The following MCTP1 variants were observed in gnomAD, a reference collection of about 807,000 sequenced individuals.
MCTP1 encodes the protein multiple C2 and transmembrane domain containing 1, also known as multiple C2 and transmembrane domain-containing protein 1.
In MCTP1, 69 loss-of-function variants were observed where a neutral mutation model predicts 120.6. That is an observed-to-expected ratio of 0.57 (90% confidence interval 0.47 to 0.70). The LOEUF is 0.70. Among genes scored for constraint, MCTP1 ranks in the 30% least tolerant of loss-of-function variants. MCTP1 has a pLI of 0.00. For missense variants in MCTP1, 1,203 were observed against 1,248.8 expected (o/e 0.96, Z 0.55); for synonymous variants, 529 against 493.1 (o/e 1.07, Z -0.96).
At chr5:94,762,258 TC>T (rs1470501533) in intron 19 of MCTP1, among the ~76,000 whole-genome samples, 1 of 152,242 alleles carries the variant, frequency 6.6e-6, no homozygotes, top group African/African-American at 2.4e-5. Flanking sequence ...AGGTTTCTAG[TC>T]TTTCCATCTA....
chr5:94,822,307 G>T (rs1223267573), intron 17 of MCTP1, among the ~76,000 whole-genome samples: 1 of 152,120 alleles, frequency 6.6e-6, no homozygotes, highest in Non-Finnish European at 1.5e-5. Flanking sequence ...AGAACATGCG[G>T]TGTTTGGTTT....
At chr5:94,867,381 G>A in intron 17 of MCTP1, 1 of 1,509,044 alleles carries the variant, frequency 6.6e-7, no homozygotes, top group Non-Finnish European at 8.9e-7. Context: ...CCCATACAAG[G>A]CCTGAGAGGA....
chr5:94,823,620 T>G (rs537684540), intron 17 of MCTP1, among the ~76,000 whole-genome samples: 1 of 152,254 alleles, frequency 6.6e-6, no homozygotes, highest in Non-Finnish European at 1.5e-5. Flanking sequence ...ATTGAATCTA[T>G]AAATCACTTT....
At chr5:94,939,599 G>T (rs1817070215) in intron 5 of MCTP1, among the ~76,000 whole-genome samples, 7 of 151,888 alleles carry the variant, frequency 4.6e-5, no homozygotes, top group Admixed American at 4.6e-4. Flanking sequence ...ATATCAACAT[G>T]AAAGCCCATC....
chr5:94,734,224 A>G (rs1763716770), intron 19 of MCTP1, among the ~76,000 whole-genome samples: 1 of 152,206 alleles, frequency 6.6e-6, no homozygotes, highest in African/African-American at 2.4e-5. Context: ...GGTACTAATT[A>G]AAATAGCTGT....
intron 18 of MCTP1, chr5:94,793,504 C>T (rs774150959): frequency 3.3e-5 from 5 of 152,144 alleles, no homozygotes; most frequent in African/African-American, 4.8e-5. Flanking sequence ...GGCTGTATGA[C>T]TCAGTGTTGC....
rs1752185830 is a variant in MCTP1 at position 95,210,290 on chromosome 5, T to G, written c.720+73566A>C. Among the ~76,000 whole-genome samples, 4 of 152,120 alleles carry G rather than the reference T, an allele frequency of 2.6e-5. No homozygotes were observed. In the South Asian group the frequency reaches 8.3e-4, roughly 32 times the overall value. On this transcript the variant is annotated intron_variant, in intron 1 of 22. Coordinates refer to ENST00000515393, the MANE Select transcript of MCTP1 (RefSeq NM_024717.7). Reference sequence around the variant, plus strand: ...ACAGTGGGGTGTTAAGGTCTCCCATTATTATTGTGTGGGAGTCTAAGTCTC... The same window carrying G: ...ACAGTGGGGTGTTAAGGTCTCCCATGATTATTGTGTGGGAGTCTAAGTCTC...
intron 1 of MCTP1, among the ~76,000 whole-genome samples, chr5:95,114,566 G>A (rs75638763): frequency 2.0e-5 from 3 of 152,228 alleles, no homozygotes; most frequent in Admixed American, 2.0e-4. Flanking sequence ...AGGCTCCTCT[G>A]CCTGTGGAAA....
At chr5:95,151,585 G>A (rs1562185996) in intron 1 of MCTP1, among the ~76,000 whole-genome samples, 1 of 152,116 alleles carries the variant, frequency 6.6e-6, no homozygotes, top group African/African-American at 2.4e-5. Context: ...AAAATGGCTT[G>A]GCCAAGGAGG....
intron 1 of MCTP1, among the ~76,000 whole-genome samples, chr5:95,147,403 T>G (rs1001262857): frequency 2.0e-5 from 3 of 152,180 alleles, no homozygotes; most frequent in Non-Finnish European, 4.4e-5. Flanking sequence ...GCTTATTTAT[T>G]TATGATAGTT....
chr5:95,095,109 T>C (rs4290997), intron 1 of MCTP1, among the ~76,000 whole-genome samples: 130,377 of 142,486 alleles, frequency 0.92, 60,028 homozygotes, highest in Non-Finnish European at 0.98. Flanking sequence ...CTGCAAGCTC[T>C]GCCTCCCGGG....
intron 17 of MCTP1, among the ~76,000 whole-genome samples, chr5:94,817,837 G>A (rs1357502334): frequency 6.6e-6 from 1 of 152,060 alleles, no homozygotes; most frequent in Non-Finnish European, 1.5e-5. Context: ...TTACGATTGG[G>A]CTCTCTTGTT....
chr5:95,051,698 T>G (rs1329118915), intron 1 of MCTP1, among the ~76,000 whole-genome samples: 1 of 152,138 alleles, frequency 6.6e-6, no homozygotes, highest in Non-Finnish European at 1.5e-5. Flanking sequence ...AAGTACAAAT[T>G]GAAAGAATGA....
At chr5:94,828,888 G>T (rs112160465) in intron 17 of MCTP1, among the ~76,000 whole-genome samples, 139 of 152,294 alleles carry the variant, frequency 9.1e-4, no homozygotes, top group African/African-American at 3.2e-3. Context: ...TGGTCTCCGT[G>T]GGATCCACTG....
intron 1 of MCTP1, among the ~76,000 whole-genome samples, chr5:95,204,680 C>T (rs1431245212): frequency 6.6e-6 from 1 of 151,950 alleles, no homozygotes; most frequent in African/African-American, 2.4e-5. Flanking sequence ...TACAAGATTG[C>T]AGGACAAGAT....
At chr5:95,024,814 A>T (rs1301464346) in intron 1 of MCTP1, among the ~76,000 whole-genome samples, 1 of 152,146 alleles carries the variant, frequency 6.6e-6, no homozygotes, top group East Asian at 1.9e-4. Context: ...TTAAGAAAAC[A>T]ATCCTATTTA....
At chr5:94,827,880 G>T (rs750694820) in intron 17 of MCTP1, among the ~76,000 whole-genome samples, 1 of 151,774 alleles carries the variant, frequency 6.6e-6, no homozygotes, top group Non-Finnish European at 1.5e-5. Flanking sequence ...CTTTTATCAA[G>T]GTTCTTAGCC....
intron 2 of MCTP1, among the ~76,000 whole-genome samples, chr5:94,961,721 T>C (rs950046326): frequency 3.3e-5 from 5 of 152,176 alleles, no homozygotes; most frequent in African/African-American, 1.2e-4. Context: ...TGTAACAATC[T>C]TCACCACAAG....
At chr5:95,259,646 A>G (rs1428245827) in intron 1 of MCTP1, among the ~76,000 whole-genome samples, 1 of 152,124 alleles carries the variant, frequency 6.6e-6, no homozygotes, top group Non-Finnish European at 1.5e-5. Context: ...AGATCCTACG[A>G]GTGGCAATAC....
Sources: allele counts gnomAD v4.1 joint callset (sites outside exome capture counted in the v4.1 genomes callset), GRCh38; gene constraint gnomAD v4.1.1; transcripts MANE v1.5; gene names NCBI Gene and HGNC (gene_info 2026-07-23, HGNC 2026-07-21).